RALGPS2: variants seen among roughly 807,000 people sequenced by gnomAD.
RALGPS2 encodes the protein Ral GEF with PH domain and SH3 binding motif 2.
Under a neutral mutation model 86.8 loss-of-function variants are expected in RALGPS2, and 43 were observed. That is an observed-to-expected ratio of 0.50 (90% confidence interval 0.39 to 0.64). The LOEUF is 0.64. RALGPS2 is among the 30% of genes least tolerant of loss of function. RALGPS2 has a pLI of 0.00. For missense variants in RALGPS2, 536 were observed against 694.6 expected, an observed-to-expected ratio of 0.77 and a Z score of 2.57; for synonymous variants, 243 against 231.3, an observed-to-expected ratio of 1.05 and a Z score of -0.46.
At chr1:178,759,782 A>G (rs1179458567) in intron 1 of RALGPS2, among the ~76,000 whole-genome samples, 1 of 151,848 alleles carries the variant, frequency 6.6e-6, no homozygotes, top group African/African-American at 2.4e-5. Flanking sequence ...TTATAATTTC[A>G]TTGTAGACAT....
intron 1 of RALGPS2, 90 bp from the exon 2 acceptor site, chr1:178,776,592 A>G (rs1468793802): frequency 2.1e-6 from 1 of 476,812 alleles, no homozygotes; most frequent in Non-Finnish European, 3.7e-6. Context: ...GTGAAGTTGA[A>G]ATTTTTGTTT....
chr1:178,913,969 G>A (rs1660718912), intron 19 of RALGPS2, among the ~76,000 whole-genome samples: 1 of 152,174 alleles, frequency 6.6e-6, no homozygotes, highest in African/African-American at 2.4e-5. Flanking sequence ...GGGGGCCACT[G>A]GTAAAAGCAC....
At chr1:178,787,937 T>C (rs1202744351) in intron 4 of RALGPS2, among the ~76,000 whole-genome samples, 1 of 152,220 alleles carries the variant, frequency 6.6e-6, no homozygotes, top group East Asian at 1.9e-4. Context: ...ATGTGATCGC[T>C]CTGCTTAAAA....
chr1:178,731,934 G>A (rs572164193), intron 1 of RALGPS2, among the ~76,000 whole-genome samples: 13 of 152,244 alleles, frequency 8.5e-5, no homozygotes, highest in African/African-American at 3.1e-4. Context: ...GTGTGGGACT[G>A]TGGTTTGCTG....
At chr1:178,866,819 G>A (rs984576044) in intron 8 of RALGPS2, among the ~76,000 whole-genome samples, 15 of 152,126 alleles carry the variant, frequency 9.9e-5, no homozygotes, top group African/African-American at 2.4e-4. Context: ...AGAATGTTTC[G>A]TTTTTGCTGT....
intron 1 of RALGPS2, among the ~76,000 whole-genome samples, chr1:178,773,594 A>G (rs535161817): frequency 3.9e-5 from 6 of 152,146 alleles, no homozygotes; most frequent in Admixed American, 6.6e-5. Flanking sequence ...ATTAAATACT[A>G]TTGACTCCTG....
chr1:178,856,955 A>T (rs1657626976), intron 8 of RALGPS2, among the ~76,000 whole-genome samples: 2 of 152,154 alleles, frequency 1.3e-5, no homozygotes, highest in Non-Finnish European at 2.9e-5. Flanking sequence ...AAAAAATCCC[A>T]TGTAAACCAG....
intron 8 of RALGPS2, among the ~76,000 whole-genome samples, chr1:178,837,502 T>C (rs1206244663): frequency 1.3e-5 from 2 of 152,218 alleles, no homozygotes; most frequent in African/African-American, 4.8e-5. Context: ...TCTAGTAAAA[T>C]GTATGTGTCT....
intron 7 of RALGPS2, among the ~76,000 whole-genome samples, chr1:178,824,636 G>GTC (rs1297851952): frequency 6.6e-6 from 1 of 151,890 alleles, no homozygotes; most frequent in African/African-American, 2.4e-5. Context: ...GTGAAACCCC[G>GTC]TCTCTACTAA....
Position 178,919,292 on chromosome 1 carries a change from C to T in RALGPS2, c.*2933C>T, listed in dbSNP as rs779819769. On this transcript the variant is annotated 3_prime_UTR_variant, in exon 20 of 20. Coordinates refer to ENST00000367635, the MANE Select transcript of RALGPS2 (RefSeq NM_152663.5). ...TTTGAGTTTCAGTATTTTTTTCTCCCTAGGCATGTGCTTCAATTTCAAATA... is the reference window on the plus strand; with the variant it reads ...TTTGAGTTTCAGTATTTTTTTCTCCTTAGGCATGTGCTTCAATTTCAAATA... 1 of 151,950 alleles carries T rather than the reference C, an allele frequency of 6.6e-6. No individual in the cohort carries two copies. Among genetic ancestry groups the T allele is most frequent in the Non-Finnish European group, 1.5e-5 (1 of 67,890 alleles). The allele number at this position is 151,950 out of a possible 1,614,324, so 9.4% of individuals were successfully genotyped here.
Position 178,725,423 on chromosome 1 carries a change from G to A in RALGPS2, c.-84+4G>A, listed in dbSNP as rs967715425. 6 of 149,914 alleles carry A rather than the reference G, an allele frequency of 4.0e-5. No individual in the cohort carries two copies. Among genetic ancestry groups the A allele is most frequent in the Non-Finnish European group, 8.9e-5 (6 of 67,336 alleles). The allele number at this position is 149,914 out of a possible 1,614,324, so 9.3% of individuals were successfully genotyped here. On this transcript the variant is annotated splice_donor_region_variant and intron_variant, in intron 1 of 19. Coordinates refer to ENST00000367635, the MANE Select transcript of RALGPS2 (RefSeq NM_152663.5). ...GGCGACGGCCGCGGCTGCACAGGTC[G>A]GTGGGCTCAGGCCGCGGGGCGGTGC...
intron 8 of RALGPS2, among the ~76,000 whole-genome samples, chr1:178,860,083 C>T (rs1274039031): frequency 6.6e-6 from 1 of 152,096 alleles, no homozygotes; most frequent in Non-Finnish European, 1.5e-5. Flanking sequence ...TTTACTGATA[C>T]TCAGATCTAT....
At chr1:178,794,338 A>C (rs1309200084) in intron 4 of RALGPS2, among the ~76,000 whole-genome samples, 1 of 152,024 alleles carries the variant, frequency 6.6e-6, no homozygotes, top group East Asian at 1.9e-4. Flanking sequence ...GGCTGGGCTC[A>C]AACTCCTGAC....
At chr1:178,890,293 T>C (rs1044005234) in intron 14 of RALGPS2, among the ~76,000 whole-genome samples, 17 of 151,926 alleles carry the variant, frequency 1.1e-4, no homozygotes, top group African/African-American at 3.9e-4. Context: ...TAAGTACATA[T>C]AAGATCTGAA....
intron 1 of RALGPS2, among the ~76,000 whole-genome samples, chr1:178,727,325 A>G (rs1443889714): frequency 6.6e-6 from 1 of 152,080 alleles, no homozygotes; most frequent in Non-Finnish European, 1.5e-5. Context: ...TCAGGCTCCC[A>G]AGAAGCTGGG....
chr1:178,727,934 T>G (rs1650122820), intron 1 of RALGPS2, among the ~76,000 whole-genome samples: 1 of 152,158 alleles, frequency 6.6e-6, no homozygotes, highest in Non-Finnish European at 1.5e-5. Flanking sequence ...AACTTTTTGG[T>G]TAAGGATATT....
At chr1:178,840,986 T>C (rs1189205821) in intron 8 of RALGPS2, among the ~76,000 whole-genome samples, 1 of 151,968 alleles carries the variant, frequency 6.6e-6, no homozygotes, top group Non-Finnish European at 1.5e-5. Context: ...AATAACAGGC[T>C]CTGAAATTGA....
intron 10 of RALGPS2, 100 bp downstream of exon 10, chr1:178,879,092 A>G (rs1440272206): frequency 1.4e-6 from 2 of 1,477,042 alleles, no homozygotes; most frequent in Admixed American, 2.6e-5. Flanking sequence ...GGTATCATAC[A>G]AAGGACTAAT....
chr1:178,819,782 A>G (rs549352185), intron 6 of RALGPS2, among the ~76,000 whole-genome samples: 4 of 152,300 alleles, frequency 2.6e-5, no homozygotes, highest in African/African-American at 9.6e-5. Flanking sequence ...AGTCCTTACT[A>G]AATTTTGAAT....
Sources: gnomAD v4.1 joint callset for allele counts (sites outside exome capture counted in the v4.1 genomes callset) on GRCh38, gnomAD v4.1.1 for gene constraint, MANE v1.5 for transcripts, NCBI Gene and HGNC (gene_info 2026-07-23, HGNC 2026-07-21) for gene names.